Variants in FSTL5 observed in about 807,000 individuals in gnomAD.
FSTL5 encodes the protein follistatin-related protein 5.
Under a neutral mutation model 89.1 loss-of-function variants are expected in FSTL5, and 62 were observed. That is an observed-to-expected ratio of 0.70 (90% CI 0.57 to 0.86). The LOEUF (loss-of-function observed/expected upper bound fraction) is 0.86, where lower values mean the gene tolerates loss of function less well. FSTL5 is among the 40% of genes least tolerant of loss of function. The pLI is 0.00. For synonymous variants in FSTL5, 383 were observed against 346.2 expected, an observed-to-expected ratio of 1.11 and a Z score of -1.18; for missense variants, 1,057 against 1,001.6, an observed-to-expected ratio of 1.06 and a Z score of -0.75.
chr4:162,161,441 A>G (rs979965055), intron 1 of FSTL5, among the ~76,000 whole-genome samples: 3 of 151,946 alleles, frequency 2.0e-5, no homozygotes, highest in Non-Finnish European at 4.4e-5. Flanking sequence ...GCAAAAGCTA[A>G]AAGTGTAGAA....
chr4:161,952,641 C>A (rs1358827441), intron 3 of FSTL5, among the ~76,000 whole-genome samples: 2 of 151,782 alleles, frequency 1.3e-5, no homozygotes, highest in African/African-American at 4.8e-5. Flanking sequence ...TAGTGTTTTA[C>A]CTTAATATTT....
At chr4:161,613,422 T>C (rs1333684295) in intron 7 of FSTL5, among the ~76,000 whole-genome samples, 1 of 150,534 alleles carries the variant, frequency 6.6e-6, no homozygotes, top group African/African-American at 2.4e-5. Context: ...TGCACTCCAG[T>C]CTGGCGACAG....
chr4:162,112,193 CA>C (rs1731470698), intron 1 of FSTL5, among the ~76,000 whole-genome samples: 1 of 152,158 alleles, frequency 6.6e-6, no homozygotes, highest in African/African-American at 2.4e-5. Flanking sequence ...TGACAGAGAG[CA>C]GCTTTTTCTT....
intron 8 of FSTL5, among the ~76,000 whole-genome samples, chr4:161,580,199 A>G (rs1190873547): frequency 1.3e-5 from 2 of 152,204 alleles, no homozygotes. Context: ...GTAACTGAAC[A>G]TAATTTGACA....
chr4:162,104,937 AATC>A lies in FSTL5; in HGVS notation c.126+6331_126+6333del, dbSNP rs1731159285. On this transcript the variant is annotated intron_variant, in intron 2 of 15. Coordinates refer to ENST00000306100, the MANE Select transcript of FSTL5 (RefSeq NM_020116.5). The stretch of plus-strand genomic sequence containing the variant: ...AAACAATACTACCCCTTGTCAACAG[AATC>A]ATCATTATAATACAGAGTTCCTTTC... Among the ~76,000 whole-genome samples, 5 of 152,296 alleles carry A rather than the reference AATC, an allele frequency of 3.3e-5. No individual in the cohort carries two copies. The South Asian group carries it at 1.0e-3, about 32-fold the overall frequency.
chr4:161,441,855 C>T (rs930219882), intron 15 of FSTL5, among the ~76,000 whole-genome samples: 5 of 152,026 alleles, frequency 3.3e-5, no homozygotes, highest in Non-Finnish European at 5.9e-5. Flanking sequence ...TCCCCTGAGC[C>T]GACTATGGCC....
intron 3 of FSTL5, among the ~76,000 whole-genome samples, chr4:162,006,048 T>TC (rs746426327): frequency 3.3e-5 from 5 of 152,008 alleles, no homozygotes; most frequent in African/African-American, 4.8e-5. Context: ...TATACACACA[T>TC]CTTAAATGTT....
intron 13 of FSTL5, among the ~76,000 whole-genome samples, chr4:161,475,983 G>C (rs1043704892): frequency 7.9e-5 from 12 of 151,960 alleles, no homozygotes; most frequent in Non-Finnish European, 1.6e-4. Context: ...TTGATCTCCT[G>C]ACCTCGTGAT....
At chr4:161,804,355 G>A (rs151150367) in intron 4 of FSTL5, among the ~76,000 whole-genome samples, 112 of 152,068 alleles carry the variant, frequency 7.4e-4, no homozygotes, top group African/African-American at 2.6e-3. Flanking sequence ...GTCAGGGACA[G>A]GTTCTGCCTA....
intron 4 of FSTL5, among the ~76,000 whole-genome samples, chr4:161,904,274 A>C (rs568695787): frequency 6.6e-6 from 1 of 152,216 alleles, no homozygotes; most frequent in East Asian, 1.9e-4. Context: ...TTGCAGGTGC[A>C]AAACATGAAT....
At chr4:161,774,297 C>G (rs896279310) in intron 5 of FSTL5, among the ~76,000 whole-genome samples, 1 of 152,138 alleles carries the variant, frequency 6.6e-6, no homozygotes, top group East Asian at 1.9e-4. Flanking sequence ...AGAAAGGACC[C>G]TTCTCTCACC....
At chr4:161,599,235 C>T (rs1473225560) in intron 7 of FSTL5, among the ~76,000 whole-genome samples, 1 of 152,022 alleles carries the variant, frequency 6.6e-6, no homozygotes, top group African/African-American at 2.4e-5. Flanking sequence ...ATTAAATTTA[C>T]TGCAACAACG....
At chr4:161,984,534 A>G (rs1231914752) in intron 3 of FSTL5, among the ~76,000 whole-genome samples, 4 of 152,150 alleles carry the variant, frequency 2.6e-5, no homozygotes, top group African/African-American at 9.6e-5. Context: ...TCAGGTTTCT[A>G]TAATGCTGTT....
At chr4:162,158,045 A>G (rs1266731461) in intron 1 of FSTL5, among the ~76,000 whole-genome samples, 1 of 152,070 alleles carries the variant, frequency 6.6e-6, no homozygotes, top group Non-Finnish European at 1.5e-5. Context: ...TGTTTTGATT[A>G]TTTTATTTAA....
chr4:162,055,637 A>G (rs893676466), intron 2 of FSTL5, among the ~76,000 whole-genome samples: 4 of 151,862 alleles, frequency 2.6e-5, no homozygotes, highest in Non-Finnish European at 5.9e-5. Context: ...ACAGAATGTT[A>G]ATTTTTTCAT....
In FSTL5 at chr4:161,528,153, G is replaced by A. The variant is rs550169602; in HGVS notation, c.1312+10013C>T. 4.8e-3 allele frequency among the ~76,000 whole-genome samples: 176 copies of A among 36,608 alleles called. 5 individuals are homozygous for A. The highest frequency in any genetic ancestry group is 0.01 in the African/African-American group (165 of 16,136). 24.0% of individuals were successfully genotyped at this position (36,608 alleles called of 152,430 possible). ...TACTCTGGGGACTGTTGTGGGGTGGGGGGAGGGGGGAGGGATAACTTTAGG... is the reference window on the plus strand; with the variant it reads ...TACTCTGGGGACTGTTGTGGGGTGGAGGGAGGGGGGAGGGATAACTTTAGG... On this transcript the variant is annotated intron_variant, in intron 10 of 15. Transcript: ENST00000306100.
At chr4:162,117,432 G>C (rs1411453785) in intron 1 of FSTL5, among the ~76,000 whole-genome samples, 1 of 152,086 alleles carries the variant, frequency 6.6e-6, no homozygotes, top group African/African-American at 2.4e-5. Flanking sequence ...TGGGATATAG[G>C]AACCCGGAGT....
intron 2 of FSTL5, among the ~76,000 whole-genome samples, chr4:162,036,218 A>T (rs890118648): frequency 1.3e-5 from 2 of 152,108 alleles, no homozygotes; most frequent in Non-Finnish European, 2.9e-5. Flanking sequence ...GTCTTTTGAC[A>T]TCCGTACTTG....
intron 10 of FSTL5, among the ~76,000 whole-genome samples, chr4:161,524,734 C>T (rs199991580): frequency 9.2e-5 from 14 of 152,098 alleles, no homozygotes; most frequent in East Asian, 5.8e-4. Flanking sequence ...CTGAGACGGG[C>T]GGATCACGAG....
Sources: allele counts gnomAD v4.1 joint callset (sites outside exome capture counted in the v4.1 genomes callset), GRCh38; gene constraint gnomAD v4.1.1; transcripts MANE v1.5; gene names NCBI Gene and HGNC (gene_info 2026-07-23, HGNC 2026-07-21).